Variants in SRBD1 observed in about 807,000 individuals in gnomAD.
The protein encoded by SRBD1 is S1 RNA binding domain 1, also known as S1 RNA-binding domain-containing protein 1.
A neutral mutation model predicts 115.3 loss-of-function variants in SRBD1; 88 were observed. That is an observed-to-expected ratio of 0.76 (90% CI 0.64 to 0.91). The LOEUF is 0.91. Ranked by LOEUF, SRBD1 falls within the 40% of genes least tolerant of loss-of-function variation. The pLI is 0.00. For missense variants in SRBD1, 1,385 were observed against 1,177.4 expected, an observed-to-expected ratio of 1.18 and a Z score of -2.58; for synonymous variants, 509 against 407.7, an observed-to-expected ratio of 1.25 and a Z score of -2.99.
chr2:45,425,764 G>C (rs1400123765), intron 16 of SRBD1, among the ~76,000 whole-genome samples: 2 of 152,116 alleles, frequency 1.3e-5, no homozygotes, highest in African/African-American at 4.8e-5. Flanking sequence ...AAGGGAAGCT[G>C]TGAGGGACCG....
At chr2:45,406,113 C>T (rs1377312162) in intron 19 of SRBD1, among the ~76,000 whole-genome samples, 1 of 152,062 alleles carries the variant, frequency 6.6e-6, no homozygotes, top group Non-Finnish European at 1.5e-5. Context: ...CTCCCCCACC[C>T]CTCACATTTA....
chr2:45,566,830 A>G (rs1194347604), intron 9 of SRBD1, among the ~76,000 whole-genome samples: 2 of 152,106 alleles, frequency 1.3e-5, no homozygotes, highest in Admixed American at 6.5e-5. Context: ...CTATATATTT[A>G]TGTATATTAT....
chr2:45,597,610 C>T (rs913868268), intron 4 of SRBD1, among the ~76,000 whole-genome samples: 6 of 152,064 alleles, frequency 3.9e-5, no homozygotes, highest in Non-Finnish European at 8.8e-5. Flanking sequence ...TTATAAGACA[C>T]CAGATAGAGA....
rs3755072 is a variant in SRBD1 at position 45,413,195 on chromosome 2, T to G, written c.2432A>C (p.Lys811Thr). The G allele has an allele frequency of 2.5e-6, 4 of 1,614,068 alleles. No homozygotes were observed. Among genetic ancestry groups the G allele is most frequent in the Non-Finnish European group, 3.4e-6 (4 of 1,179,984 alleles). The change falls in exon 19 of 21, where the codon AAA (lysine) becomes ACA (threonine). Residue 811 changes from lysine (K) to threonine (T), a missense_variant. By Grantham distance (78) the Lys-to-Thr change is moderately conservative. Transcript: ENST00000263736. ...TNEKQGKKKSKTAVNVLLKPN... is the reference protein window; with the variant it reads ...TNEKQGKKKSTTAVNVLLKPN... Reference sequence around the variant, plus strand: ...CTTCAGTAAAACATTCACTGCAGTTTTGCTCTTCTTTTTGCCCTGCTTCTC... The same window carrying G: ...CTTCAGTAAAACATTCACTGCAGTTGTGCTCTTCTTTTTGCCCTGCTTCTC...
chr2:45,488,195 A>C, intron 15 of SRBD1, 45 bp downstream of exon 15: 1 of 1,560,640 alleles, frequency 6.4e-7, no homozygotes, highest in South Asian at 1.1e-5. Context: ...ATGCTGCCCA[A>C]AATATCAAAA....
intron 20 of SRBD1, among the ~76,000 whole-genome samples, chr2:45,392,224 C>T (rs1016935832): frequency 6.6e-6 from 1 of 152,156 alleles, no homozygotes; most frequent in Non-Finnish European, 1.5e-5. Flanking sequence ...GTATGTCTAA[C>T]CATCTCAATG....
intron 18 of SRBD1, among the ~76,000 whole-genome samples, chr2:45,414,495 T>G (rs995501655): frequency 1.3e-5 from 2 of 151,398 alleles, no homozygotes; most frequent in East Asian, 1.9e-4. Context: ...ACAGTGTGTA[T>G]ATAGTGTGTG....
At chr2:45,542,066 C>CCAT (rs2104015314) in intron 14 of SRBD1, among the ~76,000 whole-genome samples, 1 of 152,342 alleles carries the variant, frequency 6.6e-6, no homozygotes, top group South Asian at 2.1e-4. Context: ...CAGCATGCAT[C>CCAT]CATGGTGCAT....
At chr2:45,608,852 C>CT (rs1674354860) in intron 1 of SRBD1, among the ~76,000 whole-genome samples, 1 of 150,768 alleles carries the variant, frequency 6.6e-6, no homozygotes, top group African/African-American at 2.4e-5. Flanking sequence ...CGGTCTCACT[C>CT]TGTCACCCAG....
At chr2:45,589,547 C>T (rs1311102808) in intron 4 of SRBD1, among the ~76,000 whole-genome samples, 1 of 152,160 alleles carries the variant, frequency 6.6e-6, no homozygotes, top group Non-Finnish European at 1.5e-5. Flanking sequence ...GCTCCCACTA[C>T]CCAACAGCTC....
At chr2:45,563,950 G>T (rs761131166) in intron 9 of SRBD1, among the ~76,000 whole-genome samples, 1 of 152,046 alleles carries the variant, frequency 6.6e-6, no homozygotes, top group Non-Finnish European at 1.5e-5. Flanking sequence ...ATATTTCTAT[G>T]AGGCCAGTAT....
At chr2:45,585,834 A>G in intron 4 of SRBD1, 60 bp from the exon 5 acceptor site, 1 of 1,335,142 alleles carries the variant, frequency 7.5e-7, no homozygotes, top group East Asian at 2.5e-5. Flanking sequence ...TATATCATGT[A>G]TAATTTAAAA....
intron 4 of SRBD1, among the ~76,000 whole-genome samples, chr2:45,589,654 G>C (rs750379807): frequency 6.6e-6 from 1 of 152,206 alleles, no homozygotes. Flanking sequence ...TGTATGTTAT[G>C]GGAGTGTACA....
At chr2:45,449,229 C>T (rs1240816563) in intron 16 of SRBD1, among the ~76,000 whole-genome samples, 3 of 152,060 alleles carry the variant, frequency 2.0e-5, no homozygotes, top group Admixed American at 2.0e-4. Flanking sequence ...GAGAACTAGT[C>T]AAAACAAAGC....
chr2:45,425,800 A>C (rs1668135514), intron 16 of SRBD1, among the ~76,000 whole-genome samples: 1 of 152,168 alleles, frequency 6.6e-6, no homozygotes, highest in African/African-American at 2.4e-5. Flanking sequence ...TGCTGTGAGG[A>C]ATGGTACACT....
intron 14 of SRBD1, among the ~76,000 whole-genome samples, chr2:45,508,382 G>A (rs1373331571): frequency 1.3e-5 from 2 of 152,166 alleles, no homozygotes; most frequent in African/African-American, 2.4e-5. Context: ...CACAATGGCT[G>A]AAGAAACTTT....
intron 16 of SRBD1, among the ~76,000 whole-genome samples, chr2:45,424,722 A>G (rs1668101994): frequency 6.6e-6 from 1 of 152,236 alleles, no homozygotes; most frequent in African/African-American, 2.4e-5. Flanking sequence ...ATGACGAAGT[A>G]AAATGTATTT....
intron 4 of SRBD1, among the ~76,000 whole-genome samples, chr2:45,592,047 C>T (rs192513468): frequency 2.2e-4 from 33 of 152,194 alleles, no homozygotes; most frequent in Middle Eastern, 6.8e-3. Context: ...GCTATTCTTG[C>T]GATAGTGAAT....
rs563205406 is a variant in SRBD1, at chr2:45,393,290, A to G, written c.2514-161T>C. Among the ~76,000 whole-genome samples the G allele has an allele frequency of 6.6e-5, 10 of 152,336 alleles. No homozygotes were observed. In the East Asian group the frequency reaches 1.9e-3, roughly 29 times the overall value. Reference sequence around the variant, plus strand: ...GTGTCCTGTGCTGTAAACTGTCCTGAAAAAGAAAAGGCTGAGGGAGAGGGA... The same window carrying G: ...GTGTCCTGTGCTGTAAACTGTCCTGGAAAAGAAAAGGCTGAGGGAGAGGGA... On this transcript the variant is annotated intron_variant, in intron 19 of 20. Transcript: ENST00000263736.
Sources: allele counts gnomAD v4.1 joint callset (sites outside exome capture counted in the v4.1 genomes callset), GRCh38; gene constraint gnomAD v4.1.1; transcripts MANE v1.5; gene names NCBI Gene and HGNC (gene_info 2026-07-23, HGNC 2026-07-21).